Variants in ERBB4 observed in about 807,000 individuals in gnomAD.
ERBB4 encodes erb-b2 receptor tyrosine kinase 4.
ERBB4 carries 42 observed loss-of-function variants against 158.0 expected under a neutral mutation model. The ratio of observed to expected loss-of-function variants is 0.27; its 90% CI spans 0.21 to 0.34. The LOEUF (loss-of-function observed/expected upper bound fraction) is 0.34. Among genes scored for constraint, ERBB4 ranks in the 10% least tolerant of loss-of-function variants. The probability of loss-of-function intolerance (pLI) is 1.00; values close to 1 mark genes in which losing one functional copy is unlikely to be tolerated. For synonymous variants in ERBB4, 583 were observed against 558.7 expected (o/e 1.04, Z -0.61); for missense variants, 1,333 against 1,624.1 (o/e 0.82, Z 3.08).
intron 14 of ERBB4, among the ~76,000 whole-genome samples, chr2:211,668,695 A>C (rs2071719545): frequency 6.6e-6 from 1 of 152,164 alleles, no homozygotes; most frequent in African/African-American, 2.4e-5. Flanking sequence ...GTCACATGAG[A>C]ACATTATAAT....
At chr2:211,480,487 C>A (rs2125546358) in intron 20 of ERBB4, among the ~76,000 whole-genome samples, 1 of 152,286 alleles carries the variant, frequency 6.6e-6, no homozygotes, top group Admixed American at 6.5e-5. Context: ...CATGTGAAGA[C>A]AAACTTGCTT....
chr2:211,546,138 G>A (rs1368610491), intron 20 of ERBB4, among the ~76,000 whole-genome samples: 3 of 150,370 alleles, frequency 2.0e-5, no homozygotes, highest in East Asian at 1.9e-4. Context: ...ATAGTGTTTA[G>A]CCTAATACTT....
intron 1 of ERBB4, among the ~76,000 whole-genome samples, chr2:212,391,031 C>T (rs1468645204): frequency 1.3e-5 from 2 of 151,740 alleles, no homozygotes; most frequent in Admixed American, 1.3e-4. Flanking sequence ...TAGCATATAA[C>T]CTCATCAGTT....
rs183284397 is a variant in ERBB4, at chr2:212,325,268, G to A, written c.83-200365C>T. 7.1e-4 allele frequency among the ~76,000 whole-genome samples: 107 copies of A among 150,556 alleles called. 2 individuals are homozygous for A. In the East Asian group the frequency reaches 0.017, roughly 24 times the overall value. Reference sequence around the variant, plus strand: ...TGAATATAAAGGTAGTCCATAAAACGTAATTTGTAGATTTTAAATCTGAAA... The same window carrying A: ...TGAATATAAAGGTAGTCCATAAAACATAATTTGTAGATTTTAAATCTGAAA... On this transcript the variant is annotated intron_variant, in intron 1 of 27. Transcript: ENST00000342788.
intron 5 of ERBB4, among the ~76,000 whole-genome samples, chr2:211,750,186 C>A (rs2075089782): frequency 6.6e-6 from 1 of 152,132 alleles, no homozygotes; most frequent in Non-Finnish European, 1.5e-5. Flanking sequence ...AAGTTTTTAT[C>A]CCTGTGCCTG....
intron 20 of ERBB4, among the ~76,000 whole-genome samples, chr2:211,458,436 T>C (rs2064443649): frequency 1.3e-5 from 2 of 151,962 alleles, no homozygotes; most frequent in Admixed American, 1.3e-4. Context: ...ACGGCTAATT[T>C]TTTGTATTTT....
At chr2:212,101,366 T>G in intron 2 of ERBB4, among the ~76,000 whole-genome samples, 1 of 107,654 alleles carries the variant, frequency 9.3e-6, no homozygotes, top group East Asian at 1.9e-4. Flanking sequence ...TATATATATA[T>G]GTATATGTAT....
At position 211,730,101 on chromosome 2, in the gene ERBB4, TTAAAAAATCATTAA is replaced by T. The variant is rs1306590629; in HGVS notation, c.623-4921_623-4908del. On this transcript the variant is annotated intron_variant, in intron 5 of 27. Transcript: ENST00000342788. ...AGAATGTCTATCAAGTCAAAAAATA[TTAAAAAATCATTAA>T]GTAGCTTAATCTTATCAGTATCTCA... Among the ~76,000 whole-genome samples the T allele has an allele frequency of 3.3e-5, 5 of 152,048 alleles. No homozygotes were observed. In the East Asian group the frequency reaches 9.6e-4, roughly 29 times the overall value.
intron 1 of ERBB4, among the ~76,000 whole-genome samples, chr2:212,224,509 G>A (rs11887256): frequency 0.1 from 15,134 of 151,896 alleles, 2,351 homozygotes; most frequent in African/African-American, 0.34. Flanking sequence ...GCAAAAAAGG[G>A]AAAGGGGAGG....
intron 1 of ERBB4, among the ~76,000 whole-genome samples, chr2:212,395,582 A>G (rs2091000235): frequency 6.7e-6 from 1 of 150,302 alleles, no homozygotes; most frequent in South Asian, 2.1e-4. Flanking sequence ...TGGGAGTATT[A>G]ATGACAGGAC....
At chr2:212,034,094 G>A (rs1167738329) in intron 2 of ERBB4, among the ~76,000 whole-genome samples, 1 of 151,788 alleles carries the variant, frequency 6.6e-6, no homozygotes, top group African/African-American at 2.4e-5. Context: ...CAAGTCTGAA[G>A]ATAGTATACT....
chr2:212,374,667 G>C (rs2090259902), intron 1 of ERBB4, among the ~76,000 whole-genome samples: 1 of 151,878 alleles, frequency 6.6e-6, no homozygotes, highest in African/African-American at 2.4e-5. Flanking sequence ...AGTGCCATAA[G>C]ACAAGTGAGA....
At chr2:212,034,457 G>T (rs1485716798) in intron 2 of ERBB4, among the ~76,000 whole-genome samples, 1 of 151,888 alleles carries the variant, frequency 6.6e-6, no homozygotes, top group African/African-American at 2.4e-5. Flanking sequence ...CCCAGCTAAT[G>T]GACAAAGCAA....
intron 1 of ERBB4, among the ~76,000 whole-genome samples, chr2:212,311,462 A>G (rs74811897): frequency 0.031 from 4,670 of 150,924 alleles, 91 homozygotes; most frequent in Middle Eastern, 0.044. Context: ...CAATTTAGAA[A>G]AGAACAGGCT....
At chr2:211,457,338 T>C (rs1559186996) in intron 20 of ERBB4, among the ~76,000 whole-genome samples, 3 of 152,262 alleles carry the variant, frequency 2.0e-5, no homozygotes, top group African/African-American at 4.8e-5. Flanking sequence ...GATATATTTA[T>C]GCTCTATAAA....
intron 1 of ERBB4, among the ~76,000 whole-genome samples, chr2:212,145,285 G>A (rs1283374614): frequency 6.6e-6 from 1 of 152,112 alleles, no homozygotes; most frequent in Admixed American, 6.5e-5. Context: ...CCCAGACATA[G>A]CTAGACTAGT....
intron 1 of ERBB4, among the ~76,000 whole-genome samples, chr2:212,271,160 GGAAAATC>G (rs2085330221): frequency 8.3e-6 from 1 of 120,498 alleles, no homozygotes; most frequent in Non-Finnish European, 1.9e-5. Flanking sequence ...ATTACAGAAT[GGAAAATC>G]TATGATGACA....
At chr2:212,468,030 G>A (rs1445571206) in intron 1 of ERBB4, among the ~76,000 whole-genome samples, 1 of 152,174 alleles carries the variant, frequency 6.6e-6, no homozygotes, top group African/African-American at 2.4e-5. Flanking sequence ...CCTGGGTCCT[G>A]TAGCCCCTTT....
chr2:211,763,897 T>TATACACACACACACACAC (rs2075479710), intron 4 of ERBB4, among the ~76,000 whole-genome samples: 2 of 149,968 alleles, frequency 1.3e-5, no homozygotes, highest in African/African-American at 4.9e-5. Flanking sequence ...TGCGTGTGTA[T>TATACACACACACACACAC]ACACACACAC....
Sources: gnomAD v4.1 joint callset for allele counts (sites outside exome capture counted in the v4.1 genomes callset) on GRCh38, gnomAD v4.1.1 for gene constraint, MANE v1.5 for transcripts, NCBI Gene and HGNC (gene_info 2026-07-23, HGNC 2026-07-21) for gene names.